The following ADGRL2 variants were observed in gnomAD, a reference collection of about 807,000 sequenced individuals.
The protein encoded by ADGRL2 is calcium-independent alpha-latrotoxin receptor 2.
In ADGRL2, 44 loss-of-function variants were observed where a neutral mutation model predicts 157.4. The observed-to-expected ratio is 0.28, with a 90% CI of 0.22 to 0.36. The LOEUF (loss-of-function observed/expected upper bound fraction) is 0.36. Among genes scored for constraint, ADGRL2 ranks in the 10% least tolerant of loss-of-function variants. ADGRL2 has a pLI of 1.00. For missense variants in ADGRL2, 1,510 were observed against 1,768.9 expected, an observed-to-expected ratio of 0.85 and a Z score of 2.63; for synonymous variants, 585 against 624.7, an observed-to-expected ratio of 0.94 and a Z score of 0.95.
At position 81,508,676 on chromosome 1, in the gene ADGRL2, G is replaced by A. The variant is rs115816611; in HGVS notation, c.-248+63587G>A. Among the ~76,000 whole-genome samples the A allele has an allele frequency of 3.8e-3, 585 of 152,162 alleles. 6 individuals carry two copies. The highest frequency in any genetic ancestry group is 0.013 in the African/African-American group (549 of 41,490). On this transcript the variant is annotated intron_variant, in intron 2 of 24. Coordinates refer to the ADGRL2 transcript ENST00000370721. ...TACCTACATGAAGCCCTATGCATAG[G>A]GTATGCACCCATGAGGCCAGCCCTG...
intron 3 of ADGRL2, among the ~76,000 whole-genome samples, chr1:81,678,987 A>C (rs1570809999): frequency 6.6e-6 from 1 of 152,190 alleles, no homozygotes; most frequent in African/African-American, 2.4e-5. Context: ...AGCTGCTATT[A>C]TTCAGCATTT....
At chr1:81,602,673 C>T (rs575798692) in intron 3 of ADGRL2, among the ~76,000 whole-genome samples, 12 of 151,050 alleles carry the variant, frequency 7.9e-5, no homozygotes, top group Middle Eastern at 3.6e-3. Context: ...CCAAGGTGGG[C>T]GGATCACATG....
At chr1:81,711,091 T>C (rs1307131512) in intron 1 of ADGRL2, among the ~76,000 whole-genome samples, 3 of 152,222 alleles carry the variant, frequency 2.0e-5, no homozygotes, top group African/African-American at 7.2e-5. Flanking sequence ...GAATCACCAC[T>C]GTTAATATCA....
At chr1:81,891,998 T>G (rs1486479994) in intron 2 of ADGRL2, among the ~76,000 whole-genome samples, 1 of 151,434 alleles carries the variant, frequency 6.6e-6, no homozygotes, top group Non-Finnish European at 1.5e-5. Flanking sequence ...GTGTGTGGTT[T>G]TATTTCAGAG....
intron 1 of ADGRL2, among the ~76,000 whole-genome samples, chr1:81,394,909 T>G (rs984824022): frequency 1.8e-5 from 2 of 109,534 alleles, no homozygotes; most frequent in African/African-American, 5.7e-5. Flanking sequence ...ATTTATTTAT[T>G]TATTTATTTA....
chr1:81,869,545 A>G (rs1474680902), intron 2 of ADGRL2, among the ~76,000 whole-genome samples: 1 of 152,106 alleles, frequency 6.6e-6, no homozygotes, highest in Non-Finnish European at 1.5e-5. Flanking sequence ...AACTAAGTAG[A>G]CACATAAAAA....
intron 1 of ADGRL2, among the ~76,000 whole-genome samples, chr1:81,376,667 A>T (rs2076256458): frequency 6.6e-6 from 1 of 150,670 alleles, no homozygotes; most frequent in African/African-American, 2.4e-5. Context: ...ATCGCTTGTC[A>T]ATTATCCACC....
At chr1:81,379,805 C>A (rs2076313353) in intron 1 of ADGRL2, among the ~76,000 whole-genome samples, 1 of 152,104 alleles carries the variant, frequency 6.6e-6, no homozygotes. Flanking sequence ...GCTAGGATCT[C>A]GAGTTTCTAT....
chr1:81,705,963 C>T (rs1421340014), intron 1 of ADGRL2, among the ~76,000 whole-genome samples: 2 of 152,020 alleles, frequency 1.3e-5, no homozygotes, highest in Admixed American at 6.5e-5. Flanking sequence ...GTAATCCCAG[C>T]ACTTTGGGAG....
At chr1:81,713,649 C>T (rs191649522) in intron 1 of ADGRL2, among the ~76,000 whole-genome samples, 1 of 152,298 alleles carries the variant, frequency 6.6e-6, no homozygotes, top group Non-Finnish European at 1.5e-5. Context: ...AGACATAATA[C>T]TATGCATTTG....
intron 1 of ADGRL2, among the ~76,000 whole-genome samples, chr1:81,703,783 G>A (rs1226850117): frequency 6.6e-6 from 1 of 152,158 alleles, no homozygotes; most frequent in Non-Finnish European, 1.5e-5. Flanking sequence ...AATGAGTCTG[G>A]ACTTAGGATT....
At chr1:81,909,169 C>T (rs1188211486) in intron 3 of ADGRL2, among the ~76,000 whole-genome samples, 1 of 152,156 alleles carries the variant, frequency 6.6e-6, no homozygotes, top group Non-Finnish European at 1.5e-5. Context: ...AGTTGCCATG[C>T]ATGGCCTTGT....
chr1:81,906,466 TAAAG>T (rs1572042425), intron 2 of ADGRL2, among the ~76,000 whole-genome samples: 1 of 152,206 alleles, frequency 6.6e-6, no homozygotes, highest in Non-Finnish European at 1.5e-5. Flanking sequence ...CAGTTTTAAA[TAAAG>T]GGTATTTAAA....
At chr1:81,945,000 C>G (rs1201456999) in intron 6 of ADGRL2, among the ~76,000 whole-genome samples, 2 of 151,954 alleles carry the variant, frequency 1.3e-5, no homozygotes, top group African/African-American at 2.4e-5. Context: ...GATCCACTGA[C>G]TTAGTGTACA....
At chr1:81,560,410 G>A (rs2080412674) in intron 2 of ADGRL2, among the ~76,000 whole-genome samples, 1 of 152,122 alleles carries the variant, frequency 6.6e-6, no homozygotes, top group Non-Finnish European at 1.5e-5. Context: ...AGGACTAAAT[G>A]AGTTAATATA....
chr1:81,783,274 C>A (rs2086892052), intron 2 of ADGRL2, among the ~76,000 whole-genome samples: 2 of 151,826 alleles, frequency 1.3e-5, no homozygotes, highest in African/African-American at 2.4e-5. Context: ...CAGGTGCACA[C>A]CGCCATGCTG....
At chr1:81,962,123 A>G (rs939461716) in intron 11 of ADGRL2, among the ~76,000 whole-genome samples, 3 of 152,068 alleles carry the variant, frequency 2.0e-5, no homozygotes, top group Non-Finnish European at 4.4e-5. Context: ...AATACTGCCA[A>G]ATTGCTCTCT....
chr1:81,347,632 G>T (rs1233418034), intron 1 of ADGRL2, among the ~76,000 whole-genome samples: 1 of 152,048 alleles, frequency 6.6e-6, no homozygotes, highest in Non-Finnish European at 1.5e-5. Flanking sequence ...AGTGAAGAAG[G>T]AATTGTTAAT....
At chr1:81,471,202 T>C (rs2078164820) in intron 2 of ADGRL2, among the ~76,000 whole-genome samples, 1 of 152,172 alleles carries the variant, frequency 6.6e-6, no homozygotes, top group South Asian at 2.1e-4. Flanking sequence ...TCTGGGTATA[T>C]TTTATACATT....
Sources: gnomAD v4.1 joint callset for allele counts (sites outside exome capture counted in the v4.1 genomes callset) on GRCh38, gnomAD v4.1.1 for gene constraint, MANE v1.5 for transcripts, NCBI Gene and HGNC (gene_info 2026-07-23, HGNC 2026-07-21) for gene names.